The following CEP112 variants were observed in gnomAD, a reference collection of about 807,000 sequenced individuals.
CEP112 encodes the protein centrosomal protein of 112 kDa.
Under a neutral mutation model 153.0 loss-of-function variants are expected in CEP112, and 127 were observed. The ratio of observed to expected loss-of-function variants is 0.83; its 90% confidence interval spans 0.72 to 0.96. The LOEUF (loss-of-function observed/expected upper bound fraction) is 0.96. Ranked by LOEUF, CEP112 falls within the 40% of genes least tolerant of loss-of-function variation. The pLI is 0.00. For synonymous variants in CEP112, 358 were observed against 374.4 expected, an observed-to-expected ratio of 0.96 and a Z score of 0.51; for missense variants, 1,089 against 1,101.2, an observed-to-expected ratio of 0.99 and a Z score of 0.16.
Position 66,183,275 on chromosome 17 carries a change from TTTC to T in CEP112, c.22_24del (p.Glu8del), listed in dbSNP as rs1323005217. 1 of 1,612,576 alleles carries T rather than the reference TTTC, an allele frequency of 6.2e-7. No homozygotes were observed. The highest frequency in any genetic ancestry group is 1.3e-5 in the African/African-American group (1 of 74,996). ...AATTCTGCATCCAGCTTCTCCCATT[TTTC>T]TTCTTCACTTCCCACTTCCATAATC... is the stretch of plus-strand genomic sequence containing the variant. On this transcript the variant is annotated inframe_deletion, in exon 2 of 27. Coordinates refer to ENST00000535342, the MANE Select transcript of CEP112 (RefSeq NM_001199165.4).
intron 23 of CEP112, among the ~76,000 whole-genome samples, chr17:65,690,446 A>AAAAT (rs2048053399): frequency 6.6e-6 from 1 of 151,014 alleles, no homozygotes; most frequent in African/African-American, 2.5e-5. Flanking sequence ...AAAAAAAAAA[A>AAAAT]AATCCTTGCA....
intron 19 of CEP112, among the ~76,000 whole-genome samples, chr17:65,920,268 C>A (rs746895678): frequency 6.7e-6 from 1 of 148,598 alleles, no homozygotes; most frequent in African/African-American, 2.5e-5. Context: ...ATCACTTGAA[C>A]GTGGGTGGCA....
intron 21 of CEP112, among the ~76,000 whole-genome samples, chr17:65,788,004 G>A (rs182216629): frequency 4.1e-4 from 62 of 152,166 alleles, no homozygotes; most frequent in African/African-American, 1.5e-3. Flanking sequence ...GATTTTAAAG[G>A]GAATCCTTCT....
chr17:65,823,314 G>A (rs2146034842), intron 21 of CEP112, among the ~76,000 whole-genome samples: 1 of 152,214 alleles, frequency 6.6e-6, no homozygotes, highest in East Asian at 1.9e-4. Flanking sequence ...AAGATAGTGT[G>A]GCATTGTAAA....
At chr17:66,093,835 T>A (rs1300996903) in intron 8 of CEP112, among the ~76,000 whole-genome samples, 1 of 152,024 alleles carries the variant, frequency 6.6e-6, no homozygotes, top group Non-Finnish European at 1.5e-5. Flanking sequence ...CCCTAAAATT[T>A]ATATGAAACT....
intron 17 of CEP112, among the ~76,000 whole-genome samples, chr17:65,982,423 A>G (rs1352158077): frequency 6.6e-6 from 1 of 152,266 alleles, no homozygotes; most frequent in Admixed American, 6.5e-5. Flanking sequence ...ACACCATTTA[A>G]GAACACACAA....
intron 23 of CEP112, among the ~76,000 whole-genome samples, chr17:65,742,434 A>G (rs2051192875): frequency 6.6e-6 from 1 of 152,216 alleles, no homozygotes; most frequent in Non-Finnish European, 1.5e-5. Flanking sequence ...GTAGACACAT[A>G]CAATAATATT....
In CEP112 at chr17:66,062,902, T is replaced by G. The variant is rs78412835; in HGVS notation, c.1074+61A>C. ...CTGTGAAATCTATTACTTTTATAAT[T>G]AAATATGTTACTTGGAAGCATAAAC... On this transcript the variant is annotated intron_variant, in intron 11 of 26. Transcript: ENST00000535342. The G allele has an allele frequency of 9.5e-4, 765 of 801,446 alleles. 9 individuals carry two copies. In the East Asian group the frequency reaches 0.017, roughly 18 times the overall value. 49.6% of individuals were successfully genotyped at this position (801,446 alleles called of 1,614,324 possible). A position where few individuals can be genotyped will look rare whatever the true frequency, so the allele number is the denominator to read the frequency against.
chr17:65,881,935 A>C (rs897856738), intron 20 of CEP112, among the ~76,000 whole-genome samples: 1 of 152,120 alleles, frequency 6.6e-6, no homozygotes, highest in Non-Finnish European at 1.5e-5. Context: ...AGCACAATTC[A>C]CTCCTTGGTT....
At chr17:66,121,643 G>A (rs2146459010) in intron 6 of CEP112, among the ~76,000 whole-genome samples, 1 of 151,256 alleles carries the variant, frequency 6.6e-6, no homozygotes, top group Middle Eastern at 3.4e-3. Flanking sequence ...GAGCCCCTAT[G>A]GTGAATTTTT....
chr17:65,879,407 A>G (rs2146581862), intron 20 of CEP112, among the ~76,000 whole-genome samples: 1 of 152,366 alleles, frequency 6.6e-6, no homozygotes, highest in Non-Finnish European at 1.5e-5. Context: ...ACTTCATTTT[A>G]GTTTTGTAAG....
intron 24 of CEP112, among the ~76,000 whole-genome samples, chr17:65,654,738 G>C (rs530695992): frequency 1.3e-5 from 2 of 152,294 alleles, no homozygotes; most frequent in Admixed American, 1.3e-4. Flanking sequence ...CAAAGGTCTG[G>C]TAAGTCTGCC....
chr17:66,000,024 T>C (rs768880434), intron 17 of CEP112, among the ~76,000 whole-genome samples: 1 of 152,334 alleles, frequency 6.6e-6, no homozygotes, highest in East Asian at 1.9e-4. Context: ...ATTGCTGCAA[T>C]AAACTTACAT....
chr17:65,900,528 T>G (rs2059807861), intron 20 of CEP112, among the ~76,000 whole-genome samples: 1 of 152,046 alleles, frequency 6.6e-6, no homozygotes, highest in Non-Finnish European at 1.5e-5. Flanking sequence ...ATCACAAAGG[T>G]TCCCTCTAAA....
At chr17:66,068,901 T>C (rs1251795659) in intron 9 of CEP112, among the ~76,000 whole-genome samples, 9 of 152,016 alleles carry the variant, frequency 5.9e-5, no homozygotes, top group Non-Finnish European at 1.5e-5. Context: ...GATAGAGAAC[T>C]ATTATCTAAA....
chr17:66,183,401 A>G, intron 1 of CEP112, 94 bp from the exon 2 acceptor site: 1 of 767,054 alleles, frequency 1.3e-6, no homozygotes, highest in South Asian at 2.1e-5. Context: ...TAAGTGTTAG[A>G]TATCAGTTCT....
At chr17:66,071,401 G>A (rs2067303323) in intron 8 of CEP112, among the ~76,000 whole-genome samples, 1 of 152,028 alleles carries the variant, frequency 6.6e-6, no homozygotes, top group South Asian at 2.1e-4. Context: ...CATTTTTGGG[G>A]TCTATTAAAA....
Position 65,718,738 on chromosome 17 carries a change from G to C in CEP112, c.2607+24330C>G, listed in dbSNP as rs544914973. ...AAACATTACAAGAAGAAAGGAAAGG[G>C]AAATCCAACATTGCAGACCTTCTAG... On this transcript the variant is annotated intron_variant, in intron 23 of 26. Transcript: ENST00000535342. Among the ~76,000 whole-genome samples, 7 of 152,286 alleles carry C rather than the reference G, an allele frequency of 4.6e-5. No homozygotes were observed. In the East Asian group the frequency reaches 1.2e-3, roughly 25 times the overall value.
At chr17:66,108,367 C>A (rs2068873644) in intron 6 of CEP112, among the ~76,000 whole-genome samples, 1 of 151,908 alleles carries the variant, frequency 6.6e-6, no homozygotes, top group Non-Finnish European at 1.5e-5. Context: ...AAGAGACAAC[C>A]CACAGAATGG....
Sources: allele counts gnomAD v4.1 joint callset (sites outside exome capture counted in the v4.1 genomes callset), GRCh38; gene constraint gnomAD v4.1.1; transcripts MANE v1.5; gene names NCBI Gene and HGNC (gene_info 2026-07-23, HGNC 2026-07-21).